The following CABLES1 variants were observed in gnomAD, a reference collection of about 807,000 sequenced individuals.
CABLES1 encodes CDK5 and ABL1 enzyme substrate 1.
A neutral mutation model predicts 57.8 loss-of-function variants in CABLES1; 36 were observed. That is an observed-to-expected ratio of 0.62 (90% CI 0.48 to 0.82). The LOEUF (loss-of-function observed/expected upper bound fraction) is 0.82, where lower values mean the gene tolerates loss of function less well. Ranked by LOEUF, CABLES1 falls within the 40% of genes least tolerant of loss-of-function variation. CABLES1 has a pLI of 0.00. For synonymous variants in CABLES1, 374 were observed against 363.0 expected (o/e 1.03, Z -0.35); for missense variants, 767 against 836.6 (o/e 0.92, Z 1.03).
intron 3 of CABLES1, among the ~76,000 whole-genome samples, chr18:23,200,000 T>C (rs1056365082): frequency 6.6e-6 from 1 of 152,130 alleles, no homozygotes; most frequent in African/African-American, 2.4e-5. Flanking sequence ...GCTTTTAACT[T>C]CCTCACCAAG....
intron 1 of CABLES1, among the ~76,000 whole-genome samples, chr18:23,155,526 C>A (rs1380623063): frequency 1.3e-5 from 2 of 152,178 alleles, no homozygotes; most frequent in African/African-American, 4.8e-5. Flanking sequence ...TTTTTATAAC[C>A]CTGGCAAAAG....
intron 7 of CABLES1, among the ~76,000 whole-genome samples, chr18:23,237,885 C>G (rs941350554): frequency 2.0e-5 from 3 of 151,068 alleles, no homozygotes; most frequent in African/African-American, 4.9e-5. Flanking sequence ...TTCTCTGGGC[C>G]GACTTGCCCT....
In CABLES1 at chr18:23,218,979, A is replaced by G. The variant is rs563405620; in HGVS notation, c.1088+4925A>G. ...TGCCCACAAATCCTGACCAACACCC[A>G]CAATTATAGTAAATGTACAGTGTTA... On this transcript the variant is annotated intron_variant, in intron 4 of 9. Coordinates refer to ENST00000256925, the MANE Select transcript of CABLES1 (RefSeq NM_001100619.3). Among the ~76,000 whole-genome samples, 198 of 152,316 alleles carry G rather than the reference A, an allele frequency of 1.3e-3. 1 individual carries two copies. Among genetic ancestry groups the G allele is most frequent in the Non-Finnish European group, 2.6e-3 (174 of 68,018 alleles).
At chr18:23,192,954 G>T (rs1356064422) in intron 2 of CABLES1, among the ~76,000 whole-genome samples, 1 of 152,058 alleles carries the variant, frequency 6.6e-6, no homozygotes, top group Non-Finnish European at 1.5e-5. Flanking sequence ...CACTTTGGGA[G>T]GCTGAGGTGG....
intron 1 of CABLES1, among the ~76,000 whole-genome samples, chr18:23,150,393 T>G (rs1437512813): frequency 6.6e-6 from 1 of 151,784 alleles, no homozygotes; most frequent in East Asian, 1.9e-4. Flanking sequence ...TGTGTATGTG[T>G]ATTTAGTAGA....
chr18:23,255,535 A>G (rs1030057775), intron 9 of CABLES1, among the ~76,000 whole-genome samples: 5 of 151,812 alleles, frequency 3.3e-5, no homozygotes, highest in Non-Finnish European at 7.4e-5. Context: ...GTAGGCTTAT[A>G]CAGACATCTG....
intron 3 of CABLES1, among the ~76,000 whole-genome samples, chr18:23,209,274 A>C (rs558991599): frequency 6.6e-6 from 1 of 152,310 alleles, no homozygotes; most frequent in East Asian, 1.9e-4. Context: ...AACATAGTAC[A>C]TACAGGCGTC....
At chr18:23,243,468 G>GTTTTTTTTT (rs551293348) in intron 7 of CABLES1, among the ~76,000 whole-genome samples, 1 of 101,876 alleles carries the variant, frequency 9.8e-6, no homozygotes, top group African/African-American at 3.6e-5. Flanking sequence ...TGGGTTTGGT[G>GTTTTTTTTT]TTTTTTTTTT....
rs754256813 is a variant in CABLES1 at position 23,259,050 on chromosome 18, C to G, written c.*1683C>G. On this transcript the variant is annotated 3_prime_UTR_variant, in exon 10 of 10. Transcript: ENST00000256925. ...GATTAATGTGGTCTCTTTGGCTGAT[C>G]GAAAGCTAGATCAACTGGTACTTAG... The G allele has an allele frequency of 1.3e-5, 2 of 151,094 alleles. No individual in the cohort carries two copies. The highest frequency in any genetic ancestry group is 4.9e-5 in the African/African-American group (2 of 41,012). The allele number at this position is 151,094 out of a possible 1,614,324, so 9.4% of individuals were successfully genotyped here. A position where few individuals can be genotyped will look rare whatever the true frequency, so the allele number is the denominator to read the frequency against.
At chr18:23,195,646 T>C (rs75837689) in intron 3 of CABLES1, among the ~76,000 whole-genome samples, 3 of 152,192 alleles carry the variant, frequency 2.0e-5, no homozygotes, top group Non-Finnish European at 4.4e-5. Context: ...AATAGCAAAA[T>C]TGAGCTTTCC....
rs1204334043 is a variant in CABLES1, at chr18:23,194,464, G to A, written c.934G>A (p.Gly312Ser). 6.2e-7 allele frequency: 1 copy of A among 1,611,672 alleles called. No individual in the cohort carries two copies. The highest frequency in any genetic ancestry group is 2.2e-5 in the East Asian group (1 of 44,882). ...APLRRCRTLSGSPRPKNFKKI... is the reference protein window; with the variant it reads ...APLRRCRTLSSSPRPKNFKKI... ...ATTTTTCAGATGTCGAACTCTCTCA[G>A]GTTCACCCAGACCAAAGAATTTTAA... The change falls in exon 3 of 10, where the codon GGT becomes AGT. Residue 312 changes from glycine to serine, a missense_variant. Gly to Ser is a moderately conservative substitution (Grantham distance 56, BLOSUM62 0). Coordinates refer to ENST00000256925, the MANE Select transcript of CABLES1 (RefSeq NM_001100619.3).
At chr18:23,241,818 TTA>T (rs1491473265) in intron 7 of CABLES1, among the ~76,000 whole-genome samples, 1 of 152,172 alleles carries the variant, frequency 6.6e-6, no homozygotes, top group African/African-American at 2.4e-5. Context: ...AGGACATGTC[TTA>T]GAGTGGGAAG....
At chr18:23,222,516 TTCTC>T (rs888041607) in intron 4 of CABLES1, among the ~76,000 whole-genome samples, 164 of 147,000 alleles carry the variant, frequency 1.1e-3, no homozygotes, top group African/African-American at 3.0e-3. Flanking sequence ...AGTGCTCACG[TTCTC>T]TCTCTCTCTC....
chr18:23,168,553 A>G (rs1416663495), intron 1 of CABLES1, among the ~76,000 whole-genome samples: 1 of 152,258 alleles, frequency 6.6e-6, no homozygotes, highest in African/African-American at 2.4e-5. Flanking sequence ...ATGGCTGTCC[A>G]ACAATGTAAA....
In CABLES1 at chr18:23,255,578, G is replaced by A. The variant is rs1290711673; in HGVS notation, c.1761+1642G>A. The stretch of plus-strand genomic sequence containing the variant: ...AATGATTTTTTTTTTTTTTTTTTTT[G>A]AGACAGGGTCTCACTCTGTCACCCA... On this transcript the variant is annotated intron_variant, in intron 9 of 9. Transcript: ENST00000256925. Among the ~76,000 whole-genome samples the A allele has an allele frequency of 3.9e-4, 24 of 61,772 alleles. 1 individual carries two copies. In the East Asian group the frequency reaches 0.012, roughly 30 times the overall value. 40.5% of individuals were successfully genotyped at this position (61,772 alleles called of 152,430 possible).
chr18:23,228,689 T>A (rs1598841533), intron 4 of CABLES1, among the ~76,000 whole-genome samples: 1 of 59,108 alleles, frequency 1.7e-5, no homozygotes. Flanking sequence ...TTTTACCCCC[T>A]CCAGTCACTC....
At position 23,258,031 on chromosome 18, in the gene CABLES1, C is replaced by CCAGA. The variant is rs1208332584; in HGVS notation, c.*668_*671dup. On this transcript the variant is annotated 3_prime_UTR_variant, in exon 10 of 10. Transcript: ENST00000256925. ...CTGGATAAGAATTGCTCTCTCGGTA[C>CCAGA]CAGACAGTTTGACATCCTCCACCCT... 6.6e-6 allele frequency: 1 copy of CCAGA among 152,162 alleles called. No individual in the cohort carries two copies. Among genetic ancestry groups the CCAGA allele is most frequent in the Non-Finnish European group, 1.5e-5 (1 of 68,048 alleles). 9.4% of individuals were successfully genotyped at this position (152,162 alleles called of 1,614,324 possible).
At chr18:23,251,967 T>G (rs1331346337) in intron 7 of CABLES1, among the ~76,000 whole-genome samples, 1 of 151,842 alleles carries the variant, frequency 6.6e-6, no homozygotes, top group African/African-American at 2.4e-5. Flanking sequence ...GCGCCTGTAT[T>G]TCCAGCTACT....
chr18:23,189,797 C>T (rs534245051), intron 2 of CABLES1, among the ~76,000 whole-genome samples: 3 of 152,352 alleles, frequency 2.0e-5, no homozygotes, highest in African/African-American at 7.2e-5. Flanking sequence ...AGGAGATGGC[C>T]TCCCCCTGGA....
Sources: allele counts gnomAD v4.1 joint callset (sites outside exome capture counted in the v4.1 genomes callset), GRCh38; gene constraint gnomAD v4.1.1; transcripts MANE v1.5; gene names NCBI Gene and HGNC (gene_info 2026-07-23, HGNC 2026-07-21).